UBAP1: variants seen among roughly 807,000 people sequenced by gnomAD.
The protein encoded by UBAP1 is ubiquitin associated protein 1.
A neutral mutation model predicts 39.0 loss-of-function variants in UBAP1; 5 were observed. The observed-to-expected ratio is 0.13, with a 90% confidence interval of 0.07 to 0.27. UBAP1 has a LOEUF of 0.27. UBAP1 is among the 10% of genes least tolerant of loss of function. The probability of loss-of-function intolerance (pLI) is 1.00; values close to 1 mark genes in which losing one functional copy is unlikely to be tolerated. For missense variants in UBAP1, 490 were observed against 608.1 expected (o/e 0.81, Z 2.04); for synonymous variants, 211 against 225.1 (o/e 0.94, Z 0.56).
intron 1 of UBAP1, among the ~76,000 whole-genome samples, chr9:34,195,088 T>C (rs1344364883): frequency 2.0e-5 from 3 of 152,170 alleles, no homozygotes; most frequent in Non-Finnish European, 4.4e-5. Context: ...TTTTTTTCTT[T>C]TGTCATTTGA....
Position 34,209,797 on chromosome 9 carries a change from GT to G in UBAP1, c.-7-11104del, listed in dbSNP as rs1373350227. Among the ~76,000 whole-genome samples, 11 of 151,808 alleles carry G rather than the reference GT, an allele frequency of 7.2e-5. No homozygotes were observed. In the South Asian group the frequency reaches 2.1e-3, roughly 29 times the overall value. On this transcript the variant is annotated intron_variant, in intron 1 of 6. Coordinates refer to ENST00000297661, the MANE Select transcript of UBAP1 (RefSeq NM_016525.5). ...TCTTATAGGTGCTTGTTGCATACCAGTTTTTTTCCCCCAATTACAAAGTATG... is the reference window on the plus strand; with the variant it reads ...TCTTATAGGTGCTTGTTGCATACCAGTTTTTTCCCCCAATTACAAAGTATG...
chr9:34,199,138 A>G (rs1412697384), intron 1 of UBAP1, among the ~76,000 whole-genome samples: 1 of 152,068 alleles, frequency 6.6e-6, no homozygotes, highest in Non-Finnish European at 1.5e-5. Context: ...CAGTGATGCG[A>G]TTTCGGCTCA....
chr9:34,211,844 CT>C (rs1015257031), intron 1 of UBAP1: 16 of 177,744 alleles, frequency 9.0e-5, no homozygotes, highest in African/African-American at 3.8e-4. Flanking sequence ...ATTCTTTGTT[CT>C]TTTTTCTGAT....
intron 4 of UBAP1, among the ~76,000 whole-genome samples, chr9:34,249,212 A>C (rs1834339963): frequency 1.3e-5 from 2 of 152,134 alleles, no homozygotes; most frequent in South Asian, 4.1e-4. Flanking sequence ...AAAGGTGTGG[A>C]GTACCCTCAA....
rs552518445 is a variant in UBAP1, at chr9:34,235,333, A to G, written c.159+993A>G. 5.3e-3 allele frequency among the ~76,000 whole-genome samples: 777 copies of G among 147,894 alleles called. 5 individuals carry two copies. Among genetic ancestry groups the G allele is most frequent in the African/African-American group, 0.017 (664 of 38,954 alleles). On this transcript the variant is annotated intron_variant, in intron 3 of 6. Transcript: ENST00000297661. ...TGTGTGTGTGTGTGTGTGTGTGTGT[A>G]TATATATATGTATGTATTTTTTTGA...
intron 2 of UBAP1, among the ~76,000 whole-genome samples, chr9:34,227,240 G>T (rs1302560393): frequency 6.6e-6 from 1 of 151,960 alleles, no homozygotes; most frequent in Non-Finnish European, 1.5e-5. Context: ...ATGTTATTTT[G>T]TATATTTATG....
intron 2 of UBAP1, among the ~76,000 whole-genome samples, chr9:34,231,339 C>A (rs1054046104): frequency 6.6e-6 from 1 of 151,844 alleles, no homozygotes; most frequent in Non-Finnish European, 1.5e-5. Flanking sequence ...CTCAGCCTCC[C>A]GAGTAGCTGG....
At chr9:34,192,749 T>G (rs73496331) in intron 1 of UBAP1, among the ~76,000 whole-genome samples, 5,024 of 152,164 alleles carry the variant, frequency 0.033, 206 homozygotes, top group East Asian at 0.15. Flanking sequence ...TAATGTATTT[T>G]TTTAAAATCA....
intron 1 of UBAP1, among the ~76,000 whole-genome samples, chr9:34,210,040 T>G (rs1831930606): frequency 6.6e-6 from 1 of 152,352 alleles, no homozygotes; most frequent in Non-Finnish European, 1.5e-5. Flanking sequence ...GACTCCAATT[T>G]TCTTTTTTAA....
intron 1 of UBAP1, among the ~76,000 whole-genome samples, chr9:34,193,589 C>T (rs991507863): frequency 1.1e-4 from 16 of 152,176 alleles, no homozygotes; most frequent in African/African-American, 2.2e-4. Flanking sequence ...GGTGTTCCCA[C>T]GATCCCCTCT....
intron 2 of UBAP1, 60 bp downstream of exon 2, chr9:34,221,008 C>T: frequency 1.3e-6 from 2 of 1,505,572 alleles, no homozygotes; most frequent in East Asian, 4.5e-5. Flanking sequence ...TTTGGAATCA[C>T]TTAGCATAGT....
intron 1 of UBAP1, among the ~76,000 whole-genome samples, chr9:34,184,630 G>GAAA (rs560379399): frequency 2.1e-5 from 2 of 94,438 alleles, no homozygotes; most frequent in African/African-American, 3.9e-5. Context: ...GACTCCGTCT[G>GAAA]AAAAAAAAAA....
chr9:34,216,786 A>G (rs1025702532), intron 1 of UBAP1, among the ~76,000 whole-genome samples: 1 of 150,872 alleles, frequency 6.6e-6, no homozygotes, highest in East Asian at 2.0e-4. Context: ...AGCTGGGACT[A>G]CAGGTGCGTA....
At chr9:34,216,207 T>A (rs547558774) in intron 1 of UBAP1, among the ~76,000 whole-genome samples, 156 of 151,136 alleles carry the variant, frequency 1.0e-3, no homozygotes, top group African/African-American at 2.7e-3. Flanking sequence ...TAATTTAATT[T>A]AAAAAAAAAC....
intron 1 of UBAP1, among the ~76,000 whole-genome samples, chr9:34,183,722 T>C (rs1375222775): frequency 1.3e-5 from 2 of 151,970 alleles, no homozygotes; most frequent in East Asian, 3.9e-4. Context: ...TTTTCCAGAT[T>C]TCTAAGGAAG....
chr9:34,200,716 CTATT>C (rs763408327), intron 1 of UBAP1, among the ~76,000 whole-genome samples: 7 of 152,206 alleles, frequency 4.6e-5, no homozygotes, highest in Non-Finnish European at 8.8e-5. Context: ...CAATACATTA[CTATT>C]TATTTATTTG....
At chr9:34,231,804 C>A (rs948480778) in intron 2 of UBAP1, among the ~76,000 whole-genome samples, 1 of 151,608 alleles carries the variant, frequency 6.6e-6, no homozygotes, top group African/African-American at 2.4e-5. Flanking sequence ...CCACTGCGCC[C>A]GGCTCATTTT....
chr9:34,229,726 A>T (rs1437209288), intron 2 of UBAP1, among the ~76,000 whole-genome samples: 1 of 151,720 alleles, frequency 6.6e-6, no homozygotes, highest in Non-Finnish European at 1.5e-5. Context: ...TTTAGTAGAG[A>T]TGGGGTTTCA....
chr9:34,240,385 T>C (rs1390865810), intron 3 of UBAP1, among the ~76,000 whole-genome samples: 2 of 152,226 alleles, frequency 1.3e-5, no homozygotes, highest in African/African-American at 4.8e-5. Context: ...TTTTTACTTT[T>C]AGTGTGTCTC....
Sources: gnomAD v4.1 joint callset for allele counts (sites outside exome capture counted in the v4.1 genomes callset) on GRCh38, gnomAD v4.1.1 for gene constraint, MANE v1.5 for transcripts, NCBI Gene and HGNC (gene_info 2026-07-23, HGNC 2026-07-21) for gene names.